The following SLC44A5 variants were observed in gnomAD, a reference collection of about 807,000 sequenced individuals.
The protein encoded by SLC44A5 is choline transporter-like protein 5.
SLC44A5 carries 57 observed loss-of-function variants against 101.8 expected under a neutral mutation model. The observed-to-expected ratio is 0.56, with a 90% CI of 0.45 to 0.70. The LOEUF is 0.70. Among genes scored for constraint, SLC44A5 ranks in the 30% least tolerant of loss-of-function variants. The pLI is 0.00. For synonymous variants in SLC44A5, 281 were observed against 290.9 expected (o/e 0.97, Z 0.35); for missense variants, 737 against 853.1 (o/e 0.86, Z 1.70).
chr1:75,566,254 C>T (rs1327311525), intron 1 of SLC44A5, among the ~76,000 whole-genome samples: 1 of 152,064 alleles, frequency 6.6e-6, no homozygotes, highest in Non-Finnish European at 1.5e-5. Context: ...CGTGTGGCAC[C>T]ACCTCAAGCC....
intron 2 of SLC44A5, among the ~76,000 whole-genome samples, chr1:75,483,681 T>A (rs1004837598): frequency 6.6e-6 from 1 of 152,318 alleles, no homozygotes; most frequent in Non-Finnish European, 1.5e-5. Flanking sequence ...AAAATAAATT[T>A]TAAACGAGGG....
chr1:75,373,631 G>C (rs984962121), intron 3 of SLC44A5, among the ~76,000 whole-genome samples: 2 of 152,120 alleles, frequency 1.3e-5, no homozygotes, highest in African/African-American at 4.8e-5. Context: ...AGAGAGCAAG[G>C]CTGCCTTTCC....
chr1:75,678,770 T>G, the SLC44A5 span, among the ~76,000 whole-genome samples: 2 of 151,990 alleles, frequency 1.3e-5, no homozygotes, highest in East Asian at 3.8e-4. Flanking sequence ...GAGAATGACT[T>G]TGACGAGCTG....
chr1:75,279,689 A>T (rs944580967), intron 5 of SLC44A5, among the ~76,000 whole-genome samples: 2 of 152,048 alleles, frequency 1.3e-5, no homozygotes, highest in African/African-American at 4.8e-5. Context: ...GAATTAATGT[A>T]TAGTATCCCC....
intron 5 of SLC44A5, among the ~76,000 whole-genome samples, chr1:75,289,091 T>C (rs1449549980): frequency 6.6e-6 from 1 of 152,184 alleles, no homozygotes; most frequent in Non-Finnish European, 1.5e-5. Flanking sequence ...AGGGGTCCAG[T>C]AGTTATATCT....
At chr1:75,441,039 C>T (rs2040080) in intron 2 of SLC44A5, among the ~76,000 whole-genome samples, 14,933 of 151,920 alleles carry the variant, frequency 0.098, 907 homozygotes, top group Admixed American at 0.19. Flanking sequence ...AAATAGCATA[C>T]ATAACACAAG....
chr1:75,645,253 A>C, the SLC44A5 span, among the ~76,000 whole-genome samples: 1 of 152,158 alleles, frequency 6.6e-6, no homozygotes, highest in African/African-American at 2.4e-5. Flanking sequence ...ACAGTGTAAA[A>C]GTGTTCCTGT....
chr1:75,491,930 T>A (rs1043534771), intron 2 of SLC44A5, among the ~76,000 whole-genome samples: 4 of 152,166 alleles, frequency 2.6e-5, no homozygotes, highest in African/African-American at 9.7e-5. Flanking sequence ...ATTTCTTCCA[T>A]TTTTTATTCT....
At chr1:75,274,909 T>A (rs1403741364) in intron 6 of SLC44A5, 49 bp downstream of exon 6, 1 of 1,411,674 alleles carries the variant, frequency 7.1e-7, no homozygotes, top group East Asian at 2.3e-5. Flanking sequence ...GATATCTAGG[T>A]TCCAGTTTAG....
chr1:75,425,785 C>A (rs1664276031), intron 2 of SLC44A5, among the ~76,000 whole-genome samples: 1 of 152,106 alleles, frequency 6.6e-6, no homozygotes, highest in African/African-American at 2.4e-5. Flanking sequence ...ACGGTTCTAC[C>A]AACACTGCAG....
At chr1:75,220,414 C>T (rs553905767) in intron 14 of SLC44A5, among the ~76,000 whole-genome samples, 1 of 152,222 alleles carries the variant, frequency 6.6e-6, no homozygotes, top group African/African-American at 2.4e-5. Context: ...CCTATATCCT[C>T]TAACTTCTGG....
intron 2 of SLC44A5, among the ~76,000 whole-genome samples, chr1:75,401,075 T>C (rs1662447552): frequency 6.6e-6 from 1 of 152,162 alleles, no homozygotes; most frequent in Non-Finnish European, 1.5e-5. Context: ...TGGCTTTTGC[T>C]ATAGAGCCCT....
chr1:75,213,190 C>A (rs1238868790), intron 22 of SLC44A5, among the ~76,000 whole-genome samples: 1 of 152,168 alleles, frequency 6.6e-6, no homozygotes, highest in Non-Finnish European at 1.5e-5. Context: ...CTTCCGCATG[C>A]AATCCTCTGT....
At chr1:75,657,147 T>C in the SLC44A5 span, among the ~76,000 whole-genome samples, 2 of 151,876 alleles carry the variant, frequency 1.3e-5, no homozygotes, top group African/African-American at 4.8e-5. Flanking sequence ...AGACTCTTTC[T>C]CAAAAAATAA....
intron 23 of SLC44A5, chr1:75,205,756 A>G (rs895797529): frequency 1.6e-4 from 24 of 152,228 alleles, no homozygotes; most frequent in African/African-American, 5.8e-4. Context: ...ATCTAGAAAT[A>G]CAGGTATACT....
chr1:75,508,157 A>G (rs536286996), intron 2 of SLC44A5, among the ~76,000 whole-genome samples: 2 of 152,318 alleles, frequency 1.3e-5, no homozygotes, highest in Non-Finnish European at 2.9e-5. Flanking sequence ...AAATCATACC[A>G]ATCATACTCT....
At chr1:75,713,268 T>C in the SLC44A5 span, among the ~76,000 whole-genome samples, 2 of 152,212 alleles carry the variant, frequency 1.3e-5, no homozygotes, top group Admixed American at 1.3e-4. Context: ...CCTCATTCTC[T>C]GCTAATGACC....
At chr1:75,476,695 C>T (rs558198549) in intron 2 of SLC44A5, among the ~76,000 whole-genome samples, 327 of 152,228 alleles carry the variant, frequency 2.1e-3, no homozygotes, top group African/African-American at 7.3e-3. Flanking sequence ...AGCAAGGCTG[C>T]GGGAGGGGCG....
At chr1:75,300,194 C>T (rs953976206) in intron 5 of SLC44A5, among the ~76,000 whole-genome samples, 20 of 152,006 alleles carry the variant, frequency 1.3e-4, no homozygotes, top group East Asian at 9.7e-4. Context: ...TGGTGAAATT[C>T]GTAATAATTG....
Sources: allele counts gnomAD v4.1 joint callset (sites outside exome capture counted in the v4.1 genomes callset), GRCh38; gene constraint gnomAD v4.1.1; transcripts MANE v1.5; gene names NCBI Gene and HGNC (gene_info 2026-07-23, HGNC 2026-07-21).